PLEKHA8: variants seen among roughly 807,000 people sequenced by gnomAD.
The protein encoded by PLEKHA8 is pleckstrin homology domain-containing family A member 8.
A neutral mutation model predicts 68.2 loss-of-function variants in PLEKHA8; 36 were observed. The observed-to-expected ratio is 0.53, with a 90% CI of 0.40 to 0.70. The LOEUF (loss-of-function observed/expected upper bound fraction) is 0.70, where lower values mean the gene tolerates loss of function less well. Ranked by LOEUF, PLEKHA8 falls within the 30% of genes least tolerant of loss-of-function variation. PLEKHA8 has a pLI of 0.00. For synonymous variants in PLEKHA8, 211 were observed against 216.1 expected (o/e 0.98, Z 0.20); for missense variants, 505 against 615.4 (o/e 0.82, Z 1.90).
downstream of PLEKHA8, among the ~76,000 whole-genome samples, chr7:30,093,025 A>C (rs773821714): frequency 6.6e-5 from 10 of 152,184 alleles, no homozygotes; most frequent in Non-Finnish European, 1.5e-4. Flanking sequence ...AAATAAGTCC[A>C]AGATATGCCT....
rs1392829818 is a variant in PLEKHA8, at chr7:30,078,935, A to C, written c.*148A>C. 6 of 1,427,704 alleles carry C rather than the reference A, an allele frequency of 4.2e-6. No individual in the cohort carries two copies. The highest frequency in any genetic ancestry group is 5.5e-6 in the Non-Finnish European group (6 of 1,094,622). The allele number at this position is 1,427,704 out of a possible 1,614,324, so 88.4% of individuals were successfully genotyped here. A position where few individuals can be genotyped will look rare whatever the true frequency, so the allele number is the denominator to read the frequency against. On this transcript the variant is annotated 3_prime_UTR_variant, in exon 14 of 14. Transcript: ENST00000449726. ...GGTGGCAAAACCCAGTGCTTTTATA[A>C]TTTTTAAAATGCATATGTGTTTTGT...
In PLEKHA8 at chr7:30,083,464, T is replaced by C. The variant is rs1447268699; in HGVS notation, c.*4677T>C. ...CTGTAAATGTTCCCAATTCCCATCC[T>C]GTCTCAGACAGTCAATAGTCCTGTG... On this transcript the variant is annotated 3_prime_UTR_variant, in exon 14 of 14. Coordinates refer to ENST00000449726, the MANE Select transcript of PLEKHA8 (RefSeq NM_001197026.2). 2.1e-5 allele frequency: 21 copies of C among 985,288 alleles called. No homozygotes were observed. The highest frequency in any genetic ancestry group is 2.4e-5 in the Non-Finnish European group (20 of 829,904). 61.0% of individuals were successfully genotyped at this position (985,288 alleles called of 1,614,324 possible).
At chr7:30,095,975 T>G (rs1342696947) in intron 13 of PLEKHA8, among the ~76,000 whole-genome samples, 2 of 152,166 alleles carry the variant, frequency 1.3e-5, no homozygotes, top group African/African-American at 2.4e-5. Flanking sequence ...TCCAGCTTTG[T>G]TTTTTTGGCT....
intron 12 of PLEKHA8, chr7:30,069,698 T>G (rs1200594188): frequency 6.6e-6 from 1 of 152,220 alleles, no homozygotes; most frequent in African/African-American, 2.4e-5. Flanking sequence ...AACACCAGTT[T>G]TTTTGACAGA....
chr7:30,101,416 G>C (rs899844331), intron 13 of PLEKHA8, among the ~76,000 whole-genome samples: 5 of 103,060 alleles, frequency 4.9e-5, no homozygotes, highest in South Asian at 2.8e-4. Flanking sequence ...TGCCAGCATG[G>C]TGCCAGAAAC....
intron 13 of PLEKHA8, among the ~76,000 whole-genome samples, chr7:30,116,445 C>T (rs1291931195): frequency 6.6e-6 from 1 of 151,898 alleles, no homozygotes; most frequent in Non-Finnish European, 1.5e-5. Flanking sequence ...CATTAAAGAA[C>T]AAACAACTGA....
chr7:30,099,639 C>T (rs1166666803), intron 13 of PLEKHA8, among the ~76,000 whole-genome samples: 1 of 152,160 alleles, frequency 6.6e-6, no homozygotes, highest in Non-Finnish European at 1.5e-5. Context: ...GGAGAATACA[C>T]ATTCTTTTCA....
intron 13 of PLEKHA8, among the ~76,000 whole-genome samples, chr7:30,109,264 T>C (rs993407017): frequency 6.6e-6 from 1 of 152,182 alleles, no homozygotes; most frequent in Non-Finnish European, 1.5e-5. Flanking sequence ...TTCGATAATG[T>C]TGACATTTCA....
chr7:30,054,760 A>G lies in PLEKHA8; in HGVS notation c.848A>G (p.Asp283Gly). The change falls in exon 8 of 14, where the codon GAC becomes GGC. Residue 283 changes from aspartate (D) to glycine (G), a missense_variant. Coordinates refer to ENST00000449726, the MANE Select transcript of PLEKHA8 (RefSeq NM_001197026.2). Reference protein sequence around the residue: ...EDGMENLKNHDNNLTQSGSDS... With the variant: ...EDGMENLKNHGNNLTQSGSDS... ...GGAATGGAAAACCTGAAAAATCATGACAATAACTTGACTCAGTCTGGATCA... is the reference window on the plus strand; with the variant it reads ...GGAATGGAAAACCTGAAAAATCATGGCAATAACTTGACTCAGTCTGGATCA... The G allele has an allele frequency of 6.2e-7, 1 of 1,606,408 alleles. No homozygotes were observed. Among genetic ancestry groups the G allele is most frequent in the Non-Finnish European group, 8.5e-7 (1 of 1,175,488 alleles).
chr7:30,056,984 A>T (rs1468437681), intron 9 of PLEKHA8, among the ~76,000 whole-genome samples: 1 of 150,032 alleles, frequency 6.7e-6, no homozygotes, highest in East Asian at 1.9e-4. Context: ...ATTCACTTTT[A>T]CTTGTATAAA....
intron 13 of PLEKHA8, among the ~76,000 whole-genome samples, chr7:30,108,907 T>C (rs578060624): frequency 1.3e-5 from 2 of 152,316 alleles, no homozygotes; most frequent in South Asian, 2.1e-4. Flanking sequence ...AAATAATTCA[T>C]ACTAAGCAGT....
rs1583450067 is a variant in PLEKHA8, at chr7:30,083,326, T to TA, written c.*4545dup. The TA allele has an allele frequency of 2.0e-6, 2 of 985,174 alleles. No homozygotes were observed. Among genetic ancestry groups the TA allele is most frequent in the Non-Finnish European group, 2.4e-6 (2 of 829,674 alleles). 61.0% of individuals were successfully genotyped at this position (985,174 alleles called of 1,614,324 possible). A position where few individuals can be genotyped will look rare whatever the true frequency, so the allele number is the denominator to read the frequency against. On this transcript the variant is annotated 3_prime_UTR_variant, in exon 14 of 14. Coordinates refer to ENST00000449726, the MANE Select transcript of PLEKHA8 (RefSeq NM_001197026.2). Reference sequence around the variant, plus strand: ...ACTCAGGGGTTTCATAGTCATTTCATAAAAAATAATTCACTAGCTGTCTAA... The same window carrying TA: ...ACTCAGGGGTTTCATAGTCATTTCATAAAAAAATAATTCACTAGCTGTCTAA...
intron 13 of PLEKHA8, among the ~76,000 whole-genome samples, chr7:30,112,088 C>CA (rs747392246): frequency 9.2e-5 from 14 of 151,806 alleles, no homozygotes; most frequent in Non-Finnish European, 1.5e-4. Flanking sequence ...TGATATCAGA[C>CA]AAAAAAGACT....
chr7:30,049,563 A>T, intron 5 of PLEKHA8, 181 bp downstream of exon 5: 1 of 693,372 alleles, frequency 1.4e-6, no homozygotes, highest in South Asian at 2.5e-5. Context: ...TATTTGTGGC[A>T]ATTTTACCAC....
chr7:30,104,942 C>G (rs900069723), intron 13 of PLEKHA8, among the ~76,000 whole-genome samples: 1 of 151,790 alleles, frequency 6.6e-6, no homozygotes, highest in Admixed American at 6.6e-5. Flanking sequence ...AGGCTGGTCT[C>G]GAACTCCTGA....
chr7:30,085,933 T>G (rs373506592), downstream of PLEKHA8, among the ~76,000 whole-genome samples: 54 of 152,322 alleles, frequency 3.5e-4, no homozygotes, highest in African/African-American at 1.3e-3. Flanking sequence ...CAAAGTTTCC[T>G]TGAAGGCTGG....
At chr7:30,069,625 A>G (rs905946480) in intron 12 of PLEKHA8, 2 of 152,206 alleles carry the variant, frequency 1.3e-5, no homozygotes, top group Admixed American at 1.3e-4. Context: ...CCAGGTGCCA[A>G]TTCTTTCAGA....
At chr7:30,056,775 GT>G (rs1562871024) in intron 9 of PLEKHA8, among the ~76,000 whole-genome samples, 1 of 132,372 alleles carries the variant, frequency 7.6e-6, no homozygotes, top group Non-Finnish European at 1.6e-5. Flanking sequence ...GTGTGTGTGT[GT>G]GTGTGTGTGT....
downstream of PLEKHA8, among the ~76,000 whole-genome samples, chr7:30,087,483 C>G (rs1173454795): frequency 1.3e-5 from 2 of 152,202 alleles, no homozygotes; most frequent in African/African-American, 4.8e-5. Context: ...TTGGTTGCAC[C>G]TACAGCTTTT....
Sources: gnomAD v4.1 joint callset for allele counts (sites outside exome capture counted in the v4.1 genomes callset) on GRCh38, gnomAD v4.1.1 for gene constraint, MANE v1.5 for transcripts, NCBI Gene and HGNC (gene_info 2026-07-23, HGNC 2026-07-21) for gene names.